The following CNTNAP2 variants were observed in gnomAD, a reference collection of about 807,000 sequenced individuals.
CNTNAP2 encodes contactin associated protein 2.
Under a neutral mutation model 155.2 loss-of-function variants are expected in CNTNAP2, and 98 were observed. That is an observed-to-expected ratio of 0.63 (90% CI 0.54 to 0.75). The LOEUF (loss-of-function observed/expected upper bound fraction) is 0.75. Among genes scored for constraint, CNTNAP2 ranks in the 30% least tolerant of loss-of-function variants. The pLI is 0.00. For synonymous variants in CNTNAP2, 651 were observed against 631.2 expected, an observed-to-expected ratio of 1.03 and a Z score of -0.47; for missense variants, 1,727 against 1,688.1, an observed-to-expected ratio of 1.02 and a Z score of -0.40.
chr7:146,727,341 C>T (rs903349855), intron 1 of CNTNAP2, among the ~76,000 whole-genome samples: 3 of 152,124 alleles, frequency 2.0e-5, no homozygotes, highest in African/African-American at 7.2e-5. Flanking sequence ...AATGCACATA[C>T]TAATGGAGCT....
chr7:146,391,687 C>T (rs983592121), intron 1 of CNTNAP2, among the ~76,000 whole-genome samples: 2 of 152,084 alleles, frequency 1.3e-5, no homozygotes, highest in Non-Finnish European at 2.9e-5. Context: ...TTTCTGTTCC[C>T]GCATTAGTTT....
chr7:147,463,440 C>T (rs1470734659), intron 10 of CNTNAP2, among the ~76,000 whole-genome samples: 1 of 152,164 alleles, frequency 6.6e-6, no homozygotes, highest in African/African-American at 2.4e-5. Flanking sequence ...CTATATCTCA[C>T]GTGCAGACCC....
chr7:147,464,417 A>T (rs1031449323), intron 10 of CNTNAP2, among the ~76,000 whole-genome samples: 1 of 150,310 alleles, frequency 6.7e-6, no homozygotes, highest in African/African-American at 2.5e-5. Context: ...CAGTGGGCCA[A>T]GATCGCGCCA....
chr7:146,997,269 T>C (rs889931013), intron 3 of CNTNAP2, among the ~76,000 whole-genome samples: 7 of 152,146 alleles, frequency 4.6e-5, no homozygotes, highest in African/African-American at 1.7e-4. Context: ...ATGGAGTGTT[T>C]TTATGATGAA....
intron 16 of CNTNAP2, among the ~76,000 whole-genome samples, chr7:148,145,645 T>C (rs1241524427): frequency 1.3e-5 from 2 of 152,206 alleles, no homozygotes; most frequent in African/African-American, 2.4e-5. Context: ...AAATACAGTG[T>C]TATGAGAACA....
chr7:147,211,201 T>C (rs73457343), intron 8 of CNTNAP2, among the ~76,000 whole-genome samples: 3,154 of 152,136 alleles, frequency 0.021, 104 homozygotes, highest in African/African-American at 0.073. Context: ...TATTCCCTGA[T>C]GATCTGTCTA....
chr7:146,503,078 T>A (rs1797330507), intron 1 of CNTNAP2, among the ~76,000 whole-genome samples: 1 of 152,252 alleles, frequency 6.6e-6, no homozygotes, highest in Admixed American at 6.5e-5. Context: ...TCCTTATTTA[T>A]TCTGGTTATT....
chr7:148,068,986 G>A (rs1803323832), intron 15 of CNTNAP2, among the ~76,000 whole-genome samples: 1 of 152,122 alleles, frequency 6.6e-6, no homozygotes, highest in African/African-American at 2.4e-5. Context: ...CTCAAGTAAG[G>A]AGCTCACCAG....
intron 3 of CNTNAP2, among the ~76,000 whole-genome samples, chr7:146,895,110 C>T (rs77390950): frequency 0.041 from 6,232 of 152,110 alleles, 142 homozygotes; most frequent in South Asian, 0.081. Context: ...TATTCTAAAC[C>T]TGTACGTTTA....
chr7:147,627,684 T>C, intron 12 of CNTNAP2, among the ~76,000 whole-genome samples: 1 of 94,342 alleles, frequency 1.1e-5, no homozygotes. Context: ...AGAGCGAGAC[T>C]CTGTCTCAAA....
At chr7:148,122,123 A>G (rs1439875340) in intron 16 of CNTNAP2, among the ~76,000 whole-genome samples, 1 of 152,182 alleles carries the variant, frequency 6.6e-6, no homozygotes, top group East Asian at 1.9e-4. Context: ...TGAAGTGCAT[A>G]CTAGCATTCA....
chr7:146,674,516 A>ATTT (rs1800363225), intron 1 of CNTNAP2, among the ~76,000 whole-genome samples: 1 of 152,124 alleles, frequency 6.6e-6, no homozygotes, highest in Admixed American at 6.6e-5. Context: ...AAAAATTAAA[A>ATTT]AAAAAAGCAT....
chr7:148,225,163 C>T (rs1480986230), intron 19 of CNTNAP2, among the ~76,000 whole-genome samples: 1 of 152,130 alleles, frequency 6.6e-6, no homozygotes, highest in African/African-American at 2.4e-5. Flanking sequence ...TGGAGCTTAT[C>T]TTTGAATAGG....
intron 11 of CNTNAP2, among the ~76,000 whole-genome samples, chr7:147,538,600 T>G (rs1246228345): frequency 2.0e-5 from 3 of 152,070 alleles, no homozygotes; most frequent in African/African-American, 7.2e-5. Flanking sequence ...CAATGAGCTG[T>G]GATCATGCCA....
At chr7:146,752,846 G>C (rs985484) in intron 1 of CNTNAP2, among the ~76,000 whole-genome samples, 5,821 of 152,264 alleles carry the variant, frequency 0.038, 302 homozygotes, top group African/African-American at 0.12. Context: ...TGGCTAGCCA[G>C]TTATTCTAGC....
At chr7:146,267,924 A>G (rs1207597624) in intron 1 of CNTNAP2, among the ~76,000 whole-genome samples, 17 of 152,200 alleles carry the variant, frequency 1.1e-4, no homozygotes, top group Admixed American at 1.1e-3. Flanking sequence ...TGATCAATAA[A>G]CATATGTGCA....
intron 1 of CNTNAP2, among the ~76,000 whole-genome samples, chr7:146,505,848 A>G (rs971931608): frequency 2.6e-5 from 4 of 152,322 alleles, no homozygotes; most frequent in South Asian, 2.1e-4. Flanking sequence ...CAGTGCCTCT[A>G]CTGGGGCCTG....
rs1040087525 is a variant in CNTNAP2, at chr7:147,181,205, C to T, written c.1348+48696C>T. On this transcript the variant is annotated intron_variant, in intron 8 of 23. Coordinates refer to ENST00000361727, the MANE Select transcript of CNTNAP2 (RefSeq NM_014141.6). ...AAAATAGTTTGAGCTGGGGGGACAG[C>T]AGGTGGCCCAGAGAGACCAGAAGCC... 4.6e-5 allele frequency among the ~76,000 whole-genome samples: 7 copies of T among 152,052 alleles called. 1 individual carries two copies. The highest frequency in any genetic ancestry group is 4.6e-4 in the Admixed American group (7 of 15,256).
chr7:148,059,636 G>A (rs1040375312), intron 15 of CNTNAP2, among the ~76,000 whole-genome samples: 5 of 149,122 alleles, frequency 3.4e-5, no homozygotes, highest in Non-Finnish European at 5.9e-5. Context: ...TCATCATGCT[G>A]TATACTTATA....
Sources: gnomAD v4.1 joint callset for allele counts (sites outside exome capture counted in the v4.1 genomes callset) on GRCh38, gnomAD v4.1.1 for gene constraint, MANE v1.5 for transcripts, NCBI Gene and HGNC (gene_info 2026-07-23, HGNC 2026-07-21) for gene names.